The following SHTN1 variants were observed in gnomAD, a reference collection of about 807,000 sequenced individuals.
SHTN1 encodes shootin-1.
In SHTN1, 42 loss-of-function variants were observed where a neutral mutation model predicts 83.1. That is an observed-to-expected ratio of 0.51 (90% CI 0.39 to 0.65). SHTN1 has a LOEUF of 0.65. Ranked by LOEUF, SHTN1 falls within the 30% of genes least tolerant of loss-of-function variation. The pLI is 0.00. For synonymous variants in SHTN1, 224 were observed against 247.7 expected, an observed-to-expected ratio of 0.90 and a Z score of 0.90; for missense variants, 622 against 737.8, an observed-to-expected ratio of 0.84 and a Z score of 1.82.
rs1419413265 is a variant in SHTN1 at position 116,911,602 on chromosome 10, G to A, written c.1359+188C>T. 2.6e-6 allele frequency: 4 copies of A among 1,551,358 alleles called. No homozygotes were observed. The South Asian group carries it at 3.6e-5, about 14-fold the overall frequency. On this transcript the variant is annotated intron_variant, in intron 14 of 16. Coordinates refer to ENST00000355371, the MANE Select transcript of SHTN1 (RefSeq NM_001127211.3). ...TCTTTTAGAACAAAAACAGCACAGT[G>A]TTATTTGAAAAATTATTAACATATG...
intron 1 of SHTN1, among the ~76,000 whole-genome samples, chr10:117,103,146 G>C (rs959649596): frequency 2.0e-5 from 3 of 152,138 alleles, no homozygotes; most frequent in Admixed American, 6.5e-5. Flanking sequence ...CTGGAGTGCA[G>C]TGGCAAGATC....
At chr10:117,077,706 C>T (rs1346847263) in intron 1 of SHTN1, among the ~76,000 whole-genome samples, 1 of 152,044 alleles carries the variant, frequency 6.6e-6, no homozygotes, top group African/African-American at 2.4e-5. Flanking sequence ...TCAATTCCCA[C>T]CTATGAGTGA....
chr10:116,893,557 C>T (rs1400673927), intron 16 of SHTN1, among the ~76,000 whole-genome samples: 1 of 145,036 alleles, frequency 6.9e-6, no homozygotes, highest in East Asian at 2.0e-4. Context: ...CCCTCCCCCT[C>T]CCTGATAGGC....
chr10:116,928,825 GTTTCT>G (rs1219534973), intron 10 of SHTN1, among the ~76,000 whole-genome samples: 1 of 152,126 alleles, frequency 6.6e-6, no homozygotes, highest in Non-Finnish European at 1.5e-5. Context: ...AAAAAGCATG[GTTTCT>G]TTTCTTCTGT....
At chr10:116,934,785 T>G (rs1394050280) in intron 9 of SHTN1, among the ~76,000 whole-genome samples, 1 of 152,220 alleles carries the variant, frequency 6.6e-6, no homozygotes, top group Non-Finnish European at 1.5e-5. Context: ...ACGATATTGA[T>G]TCTTCCTATC....
intron 1 of SHTN1, among the ~76,000 whole-genome samples, chr10:116,991,052 G>C (rs1851412288): frequency 6.6e-6 from 1 of 152,128 alleles, no homozygotes; most frequent in African/African-American, 2.4e-5. Context: ...CAGGCGCGGT[G>C]GTGGGCGCCT....
chr10:116,951,719 TG>T (rs774710088), intron 6 of SHTN1, among the ~76,000 whole-genome samples, 189 bp downstream of exon 6: 5 of 152,242 alleles, frequency 3.3e-5, no homozygotes, highest in Non-Finnish European at 7.3e-5. Flanking sequence ...AGCTAGCTAG[TG>T]GGTACATGAA....
intron 11 of SHTN1, among the ~76,000 whole-genome samples, chr10:116,927,177 C>T (rs1221680898): frequency 2.6e-5 from 4 of 152,174 alleles, no homozygotes; most frequent in Non-Finnish European, 5.9e-5. Flanking sequence ...GAACAAACCA[C>T]AGCTTTTCAA....
In SHTN1 at chr10:116,911,793, T is replaced by C; in HGVS notation, c.1356A>G (p.Ile452Met). 2 of 1,610,344 alleles carry C rather than the reference T, an allele frequency of 1.2e-6. No homozygotes were observed. The highest frequency in any genetic ancestry group is 1.7e-6 in the Non-Finnish European group (2 of 1,176,602). Residue 452 changes from isoleucine (I) to methionine (M), a missense_variant, in exon 14 of 17, where the codon ATA becomes ATG. Coordinates refer to ENST00000355371, the MANE Select transcript of SHTN1 (RefSeq NM_001127211.3). The stretch of plus-strand genomic sequence containing the variant: ...ATAAACTGAAATCTATTCTTACCAG[T>C]ATTCCTTTTAGTTCATCCACTGCAC... ...CESAVDELKG[I>M]LGTLNKSTSS...
intron 9 of SHTN1, among the ~76,000 whole-genome samples, chr10:116,937,187 G>A (rs1849203890): frequency 3.9e-5 from 6 of 152,110 alleles, no homozygotes; most frequent in Admixed American, 3.9e-4. Flanking sequence ...TGTTATGTGT[G>A]AATTTGATCC....
chr10:116,884,171 T>C lies in SHTN1; in HGVS notation c.*2173A>G. The stretch of plus-strand genomic sequence containing the variant: ...GTGTAAGCAGGACGTATGTAAGTTT[T>C]GTGTGTGCAATAGCTATGAACATAC... On this transcript the variant is annotated 3_prime_UTR_variant, in exon 17 of 17. Coordinates refer to ENST00000355371, the MANE Select transcript of SHTN1 (RefSeq NM_001127211.3). The C allele has an allele frequency of 4.4e-6, 2 of 454,822 alleles. No homozygotes were observed. Among genetic ancestry groups the C allele is most frequent in the South Asian group, 3.1e-5 (2 of 64,296 alleles). The allele number at this position is 454,822 out of a possible 1,614,324, so 28.2% of individuals were successfully genotyped here.
intron 2 of SHTN1, among the ~76,000 whole-genome samples, chr10:117,018,488 G>A (rs1409370914): frequency 1.3e-5 from 2 of 148,980 alleles, no homozygotes; most frequent in Non-Finnish European, 3.0e-5. Context: ...TCTGATAAAG[G>A]GTGTATGTGT....
intron 1 of SHTN1, among the ~76,000 whole-genome samples, chr10:117,073,856 G>A (rs1853118924): frequency 6.6e-6 from 1 of 152,132 alleles, no homozygotes; most frequent in Non-Finnish European, 1.5e-5. Context: ...TGGTCCTTGA[G>A]GCAGCCATCA....
At chr10:117,097,311 A>T (rs1031685434) in intron 1 of SHTN1, among the ~76,000 whole-genome samples, 4 of 152,220 alleles carry the variant, frequency 2.6e-5, no homozygotes, top group African/African-American at 9.6e-5. Flanking sequence ...GAAGTATAGC[A>T]TCTATCTCAA....
intron 3 of SHTN1, among the ~76,000 whole-genome samples, chr10:116,966,006 TG>T (rs1850379241): frequency 6.6e-6 from 1 of 152,070 alleles, no homozygotes; most frequent in Admixed American, 6.6e-5. Flanking sequence ...TTATTTTTTT[TG>T]TTTTTTTGGG....
In SHTN1 at chr10:117,065,026, C is replaced by CTACA. The variant is rs1399713381; in HGVS notation, c.-188-16520_-188-16517dup. 5.3e-5 allele frequency among the ~76,000 whole-genome samples: 8 copies of CTACA among 152,242 alleles called. No individual in the cohort carries two copies. In the South Asian group the frequency reaches 1.7e-3, roughly 32 times the overall value. On this transcript the variant is annotated intron_variant, in intron 1 of 17. Transcript: ENST00000392901. ...TATCACCTCACTTAAGAAAGGTGGA[C>CTACA]TACATCATTCTCAGCAAACTAACAC...
chr10:117,067,827 T>C (rs1322173889), intron 1 of SHTN1, among the ~76,000 whole-genome samples: 3 of 151,952 alleles, frequency 2.0e-5, no homozygotes, highest in African/African-American at 2.4e-5. Flanking sequence ...TGGTAACATA[T>C]TGGATATGGG....
chr10:117,017,667 G>A (rs1000271656), intron 2 of SHTN1, among the ~76,000 whole-genome samples: 9 of 152,016 alleles, frequency 5.9e-5, no homozygotes, highest in African/African-American at 1.4e-4. Context: ...ATATACCCCC[G>A]CAGGGGTTGG....
chr10:117,101,495 C>T (rs796198324), intron 1 of SHTN1, among the ~76,000 whole-genome samples: 6 of 152,176 alleles, frequency 3.9e-5, no homozygotes, highest in East Asian at 1.9e-4. Flanking sequence ...GCATCTAGGA[C>T]GTGAAAGGCA....
Sources: gnomAD v4.1 joint callset for allele counts (sites outside exome capture counted in the v4.1 genomes callset) on GRCh38, gnomAD v4.1.1 for gene constraint, MANE v1.5 for transcripts, NCBI Gene and HGNC (gene_info 2026-07-23, HGNC 2026-07-21) for gene names.